Variants in ACYP2 observed in about 807,000 individuals in gnomAD.
ACYP2 encodes the protein acylphosphatase-2.
A neutral mutation model predicts 11.2 loss-of-function variants in ACYP2; 12 were observed. That is an observed-to-expected ratio of 1.08 (90% CI 0.69 to 1.74). ACYP2 has a LOEUF of 1.74. ACYP2 is among the 40% of genes most tolerant of loss of function. The pLI, the probability that ACYP2 is intolerant of heterozygous loss-of-function variation, is 0.00. For missense variants in ACYP2, 134 were observed against 101.9 expected, an observed-to-expected ratio of 1.31 and a Z score of -1.35; for synonymous variants, 43 against 32.2, an observed-to-expected ratio of 1.33 and a Z score of -1.13.
At chr2:54,053,174 CTTCAGCTCTT>C (rs1281732738) in intron 3 of ACYP2, among the ~76,000 whole-genome samples, 1 of 152,230 alleles carries the variant, frequency 6.6e-6, no homozygotes. Flanking sequence ...TGTGTGCCTT[CTTCAGCTCTT>C]TTCTTGACTG....
rs181313376 is a variant in ACYP2 at position 54,023,625 on chromosome 2, C to G, written c.63-27333C>G. 2.6e-5 allele frequency among the ~76,000 whole-genome samples: 4 copies of G among 152,174 alleles called. No homozygotes were observed. The East Asian group carries it at 7.7e-4, about 29-fold the overall frequency. ...TCTGTGACTAAAGGTGTTGAGTATC[C>G]TTTCATGGGCGTACTGCATTTATAC... On this transcript the variant is annotated intron_variant, in intron 2 of 6. Transcript: ENST00000607452.
At chr2:54,021,412 G>A (rs1265238005) in intron 2 of ACYP2, among the ~76,000 whole-genome samples, 1 of 152,164 alleles carries the variant, frequency 6.6e-6, no homozygotes, top group Non-Finnish European at 1.5e-5. Flanking sequence ...GATACCATTG[G>A]TTCTTTGGAG....
At chr2:54,057,214 C>T (rs1676200477) in intron 3 of ACYP2, 2 of 397,302 alleles carry the variant, frequency 5.0e-6, no homozygotes, top group Non-Finnish European at 8.9e-6. Context: ...CTTTTTCTTA[C>T]TGTTCTCACA....
At chr2:54,048,079 T>G (rs558353758) in intron 2 of ACYP2, among the ~76,000 whole-genome samples, 5 of 152,340 alleles carry the variant, frequency 3.3e-5, no homozygotes, top group Non-Finnish European at 7.3e-5. Context: ...ACAAATGTAG[T>G]ATTATTCATT....
At chr2:54,218,731 G>C (rs910852954) in intron 6 of ACYP2, among the ~76,000 whole-genome samples, 60 of 152,066 alleles carry the variant, frequency 3.9e-4, no homozygotes, top group African/African-American at 1.4e-3. Flanking sequence ...CAGTTTTTCT[G>C]TCCTTAACAT....
At chr2:54,051,939 CG>C (rs1558496196) in intron 3 of ACYP2, among the ~76,000 whole-genome samples, 5 of 151,858 alleles carry the variant, frequency 3.3e-5, no homozygotes, top group Non-Finnish European at 2.9e-5. Flanking sequence ...CCCAGCTACT[CG>C]GGAAGCTGAG....
intron 4 of ACYP2, among the ~76,000 whole-genome samples, chr2:54,087,291 T>C (rs1393528271): frequency 2.0e-5 from 3 of 152,236 alleles, no homozygotes; most frequent in Non-Finnish European, 2.9e-5. Context: ...TTTGTTATTT[T>C]TGGATGCTAA....
chr2:54,201,272 A>AT (rs1282275289), intron 6 of ACYP2, among the ~76,000 whole-genome samples: 4 of 151,654 alleles, frequency 2.6e-5, no homozygotes, highest in Non-Finnish European at 5.9e-5. Context: ...CGCCCGACTA[A>AT]TTTTTTGTAT....
intron 6 of ACYP2, among the ~76,000 whole-genome samples, chr2:54,228,996 G>A (rs1367518119): frequency 1.3e-5 from 2 of 152,172 alleles, no homozygotes; most frequent in African/African-American, 4.8e-5. Flanking sequence ...CTCCCCTACT[G>A]AGGGCTGAAG....
At chr2:54,249,137 T>G (rs1343662811) in intron 6 of ACYP2, among the ~76,000 whole-genome samples, 1 of 152,050 alleles carries the variant, frequency 6.6e-6, no homozygotes, top group Admixed American at 6.6e-5. Context: ...ACAAGGATAT[T>G]TGAGCAAAAG....
chr2:54,266,641 T>C, intron 6 of ACYP2, among the ~76,000 whole-genome samples: 1 of 132,342 alleles, frequency 7.6e-6, no homozygotes, highest in African/African-American at 2.8e-5. Flanking sequence ...AGTCTCCCTC[T>C]GTTGCCCATG....
chr2:54,037,663 C>G (rs747240794), intron 2 of ACYP2, among the ~76,000 whole-genome samples: 1 of 152,208 alleles, frequency 6.6e-6, no homozygotes, highest in East Asian at 1.9e-4. Context: ...CCCCCTCACC[C>G]TCCCAAAGTG....
intron 3 of ACYP2, among the ~76,000 whole-genome samples, chr2:54,052,741 A>G (rs1675934625): frequency 6.6e-6 from 1 of 152,238 alleles, no homozygotes; most frequent in Non-Finnish European, 1.5e-5. Context: ...TAGATTTCTG[A>G]GGTTTCCAAT....
intron 6 of ACYP2, among the ~76,000 whole-genome samples, chr2:54,203,803 C>CT (rs68041536): frequency 0.28 from 40,783 of 147,744 alleles, 5,643 homozygotes; most frequent in South Asian, 0.44. Flanking sequence ...CTAATACCCC[C>CT]TTTTTTTTTT....
At chr2:54,234,747 C>G (rs905177974) in intron 6 of ACYP2, among the ~76,000 whole-genome samples, 5 of 152,202 alleles carry the variant, frequency 3.3e-5, no homozygotes, top group Non-Finnish European at 7.3e-5. Context: ...TCAACATTGT[C>G]TCATCCCTTC....
At chr2:54,262,816 G>C (rs1288884174) in intron 6 of ACYP2, among the ~76,000 whole-genome samples, 1 of 151,910 alleles carries the variant, frequency 6.6e-6, no homozygotes, top group Non-Finnish European at 1.5e-5. Flanking sequence ...AATTTATCCT[G>C]TTTGAATATA....
intron 4 of ACYP2, among the ~76,000 whole-genome samples, chr2:54,107,156 ATTATGG>A (rs1679210391): frequency 6.6e-6 from 1 of 152,168 alleles, no homozygotes; most frequent in South Asian, 2.1e-4. Flanking sequence ...CAGACCAGAA[ATTATGG>A]TTAACTAGAG....
At chr2:54,271,496 G>C (rs1688300837) in intron 6 of ACYP2, among the ~76,000 whole-genome samples, 1 of 151,498 alleles carries the variant, frequency 6.6e-6, no homozygotes. Context: ...CCACCCAAAG[G>C]AGGACTCAGC....
intron 6 of ACYP2, among the ~76,000 whole-genome samples, chr2:54,294,174 T>C (rs1042173735): frequency 6.6e-6 from 1 of 152,190 alleles, no homozygotes; most frequent in Non-Finnish European, 1.5e-5. Context: ...TTATTGATAG[T>C]GTTAGCTTTC....
Sources: gnomAD v4.1 joint callset for allele counts (sites outside exome capture counted in the v4.1 genomes callset) on GRCh38, gnomAD v4.1.1 for gene constraint, MANE v1.5 for transcripts, NCBI Gene and HGNC (gene_info 2026-07-23, HGNC 2026-07-21) for gene names.